Variants in IQANK1 observed in about 807,000 individuals in gnomAD.
The protein encoded by IQANK1 is IQ motif and ankyrin repeat domain-containing protein 1.
A neutral mutation model predicts 22.6 loss-of-function variants in IQANK1; 30 were observed. The observed-to-expected ratio is 1.33, with a 90% CI of 0.99 to 1.80. The LOEUF (loss-of-function observed/expected upper bound fraction) is 1.80. Among genes scored for constraint, IQANK1 ranks in the 40% most tolerant of loss-of-function variants. IQANK1 has a pLI of 0.00. For synonymous variants in IQANK1, 122 were observed against 99.6 expected (o/e 1.23, Z -1.34); for missense variants, 275 against 235.2 (o/e 1.17, Z -1.11).
chr8:143,768,133 T>A (rs1292630071), intron 3 of IQANK1, among the ~76,000 whole-genome samples: 1 of 151,744 alleles, frequency 6.6e-6, no homozygotes, highest in Admixed American at 6.6e-5. Flanking sequence ...CCCACCTGCC[T>A]CGGACTCCCA....
Position 143,789,754 on chromosome 8 carries a change from C to G in IQANK1, c.1087-7C>G. The G allele has an allele frequency of 8.1e-7, 1 of 1,231,594 alleles. No individual in the cohort carries two copies. The highest frequency in any genetic ancestry group is 1.0e-6 in the Non-Finnish European group (1 of 987,636). 76.3% of individuals were successfully genotyped at this position (1,231,594 alleles called of 1,614,324 possible). Reference sequence around the variant, plus strand: ...GGCAAGCAAGTCAGTGTGGCCTCCTCCTCCAGGCCATCAAGGACACAGAGG... The same window carrying G: ...GGCAAGCAAGTCAGTGTGGCCTCCTGCTCCAGGCCATCAAGGACACAGAGG... On this transcript the variant is annotated splice_region_variant and splice_polypyrimidine_tract_variant and intron_variant, in intron 10 of 13. Coordinates refer to ENST00000527139, the MANE Select transcript of IQANK1 (RefSeq NM_001381874.1).
intron 7 of IQANK1, among the ~76,000 whole-genome samples, chr8:143,772,926 G>A (rs1239854568): frequency 6.6e-6 from 1 of 152,248 alleles, no homozygotes; most frequent in Non-Finnish European, 1.5e-5. Context: ...CTCACTGTCA[G>A]TACGTCGGTT....
At chr8:143,742,568 AG>A (rs1465135438) in intron 3 of IQANK1, 2 of 456,094 alleles carry the variant, frequency 4.4e-6, no homozygotes, top group East Asian at 1.4e-4. Flanking sequence ...TGGGCTGCCC[AG>A]GGGTGTGATG....
chr8:143,760,171 G>A (rs573316599), intron 3 of IQANK1, among the ~76,000 whole-genome samples: 4 of 152,166 alleles, frequency 2.6e-5, no homozygotes, highest in Admixed American at 6.5e-5. Context: ...AGTGGCTCCC[G>A]TGGGGAAGGC....
chr8:143,773,249 G>T (rs1819615154), intron 7 of IQANK1, among the ~76,000 whole-genome samples: 1 of 151,230 alleles, frequency 6.6e-6, no homozygotes, highest in African/African-American at 2.4e-5. Context: ...AGAGGTTGCA[G>T]CGAGCCAAGA....
chr8:143,771,716 C>T lies in IQANK1; in HGVS notation c.307-85C>T, dbSNP rs1029014464. The T allele has an allele frequency of 2.0e-5, 8 of 396,990 alleles. No homozygotes were observed. In the East Asian group the frequency reaches 2.5e-4, roughly 12 times the overall value. The allele number at this position is 396,990 out of a possible 1,614,324, so 24.6% of individuals were successfully genotyped here. On this transcript the variant is annotated intron_variant, in intron 4 of 13. Transcript: ENST00000527139. This position sits in a 1 kb window ranked among gnomAD's most constrained non-coding sequence, Gnocchi z 6.0. ...TGGTGGGGGTGAGGCTCAGATCGGG[C>T]TCCGACCTCAGAGGCGTGGACCGTG...
At chr8:143,762,093 A>G (rs1819406723) in intron 3 of IQANK1, among the ~76,000 whole-genome samples, 1 of 152,200 alleles carries the variant, frequency 6.6e-6, no homozygotes, top group African/African-American at 2.4e-5. Flanking sequence ...ATGTATCAAT[A>G]TACCAGAAAT....
intron 7 of IQANK1, among the ~76,000 whole-genome samples, chr8:143,779,203 TTAAA>T (rs1389218346): frequency 6.6e-6 from 1 of 152,252 alleles, no homozygotes; most frequent in Non-Finnish European, 1.5e-5. Context: ...TACACCATGT[TTAAA>T]TAATTATTCA....
At chr8:143,734,826 G>GC (rs1225971269) in intron 1 of IQANK1, among the ~76,000 whole-genome samples, 2 of 150,064 alleles carry the variant, frequency 1.3e-5, no homozygotes, top group African/African-American at 4.9e-5. Flanking sequence ...CATACCAGAC[G>GC]CCCCCCCATG....
chr8:143,788,448 C>T (rs542262453), intron 7 of IQANK1, among the ~76,000 whole-genome samples: 55 of 152,324 alleles, frequency 3.6e-4, no homozygotes, highest in African/African-American at 1.3e-3. Context: ...TGAGAGGCAG[C>T]GGCGGCCCCA....
chr8:143,763,055 C>T (rs1329931373), intron 3 of IQANK1, among the ~76,000 whole-genome samples: 1 of 151,460 alleles, frequency 6.6e-6, no homozygotes, highest in Non-Finnish European at 1.5e-5. Flanking sequence ...CTTGCTCTGT[C>T]ACCCAGGCTG....
At chr8:143,736,599 T>C (rs1390150445) in intron 2 of IQANK1, among the ~76,000 whole-genome samples, 1 of 152,010 alleles carries the variant, frequency 6.6e-6, no homozygotes, top group Non-Finnish European at 1.5e-5. Flanking sequence ...AGGGTTTGAG[T>C]CCAAGTTGGG....
chr8:143,750,200 G>A (rs1819163307), intron 3 of IQANK1, among the ~76,000 whole-genome samples: 1 of 151,916 alleles, frequency 6.6e-6, no homozygotes, highest in Non-Finnish European at 1.5e-5. Context: ...GTTTCTCCAT[G>A]TTGGTCAGGG....
chr8:143,776,327 CAA>C (rs57571355), intron 7 of IQANK1, among the ~76,000 whole-genome samples: 1 of 105,908 alleles, frequency 9.4e-6, no homozygotes. Context: ...GACTCCGTCT[CAA>C]AAAAAAAAAA....
chr8:143,736,590 G>A (rs1339178969), intron 2 of IQANK1, among the ~76,000 whole-genome samples: 6 of 152,142 alleles, frequency 3.9e-5, no homozygotes, highest in African/African-American at 1.4e-4. Context: ...TGAAACAGGA[G>A]GGTTTGAGTC....
At chr8:143,753,182 G>GT (rs1322471555) in intron 3 of IQANK1, among the ~76,000 whole-genome samples, 1 of 150,976 alleles carries the variant, frequency 6.6e-6, no homozygotes, top group Non-Finnish European at 1.5e-5. Flanking sequence ...TTTTGTTTTT[G>GT]TTTTTATTTC....
At position 143,771,960 on chromosome 8, in the gene IQANK1, AAGG is replaced by A; in HGVS notation, c.470_471+1del. ...CGTGGGCGAGATCCGGGCGGTGCTGAAGGAGGTCAGCGGGGGCGGGAGGAGGAC... is the reference window on the plus strand; with the variant it reads ...CGTGGGCGAGATCCGGGCGGTGCTGAAGGTCAGCGGGGGCGGGAGGAGGAC... On this transcript the variant is annotated inframe_deletion and splice_region_variant, in exon 5 of 14. Transcript: ENST00000527139. The surrounding 1 kb of genome is among the most constrained non-coding windows in gnomAD (Gnocchi z 6.0). The A allele has an allele frequency of 9.0e-6, 1 of 111,514 alleles. No homozygotes were observed. The highest frequency in any genetic ancestry group is 1.8e-5 in the Non-Finnish European group (1 of 56,734). The allele number at this position is 111,514 out of a possible 1,614,324, so 6.9% of individuals were successfully genotyped here. A position where few individuals can be genotyped will look rare whatever the true frequency, so the allele number is the denominator to read the frequency against.
At chr8:143,772,576 A>G in intron 7 of IQANK1, 94 bp downstream of exon 7, 1 of 397,996 alleles carries the variant, frequency 2.5e-6, no homozygotes. Context: ...GGGTACCGGG[A>G]GGTGTGAGTC....
chr8:143,746,376 C>T (rs1819033575), intron 3 of IQANK1: 1 of 152,020 alleles, frequency 6.6e-6, no homozygotes, highest in African/African-American at 2.4e-5. Context: ...GTTTTGGTTT[C>T]TCTCACTCTC....
Sources: gnomAD v4.1 joint callset for allele counts (sites outside exome capture counted in the v4.1 genomes callset) on GRCh38, gnomAD v4.1.1 for gene constraint, Gnocchi (gnomAD v3.1) non-coding constraint, MANE v1.5 for transcripts, NCBI Gene and HGNC (gene_info 2026-07-23, HGNC 2026-07-21) for gene names.